Variants in CDH12 observed in about 807,000 individuals in gnomAD.
CDH12 encodes cadherin 12.
CDH12 carries 41 observed loss-of-function variants against 74.1 expected under a neutral mutation model. That is an observed-to-expected ratio of 0.55 (90% CI 0.43 to 0.72). The LOEUF is 0.72. Ranked by LOEUF, CDH12 falls within the 30% of genes least tolerant of loss-of-function variation. The pLI is 0.00. For synonymous variants in CDH12, 399 were observed against 355.0 expected (o/e 1.12, Z -1.39); for missense variants, 945 against 977.2 (o/e 0.97, Z 0.44).
chr5:22,161,855 A>T (rs1044272789), intron 4 of CDH12, among the ~76,000 whole-genome samples: 9 of 152,136 alleles, frequency 5.9e-5, no homozygotes, highest in Non-Finnish European at 1.3e-4. Flanking sequence ...ATATATATTT[A>T]AAAAATAACA....
At chr5:22,732,446 G>A (rs1460314413) in intron 1 of CDH12, among the ~76,000 whole-genome samples, 1 of 137,342 alleles carries the variant, frequency 7.3e-6, no homozygotes, top group African/African-American at 2.8e-5. Context: ...ATACATATGT[G>A]AATGTGTGTG....
intron 4 of CDH12, among the ~76,000 whole-genome samples, chr5:22,087,850 A>C (rs1173616145): frequency 6.6e-6 from 1 of 152,186 alleles, no homozygotes; most frequent in South Asian, 2.1e-4. Flanking sequence ...ATGCTCCTAC[A>C]GGGATAGATT....
intron 3 of CDH12, among the ~76,000 whole-genome samples, chr5:22,231,385 G>T (rs1752378308): frequency 6.6e-6 from 1 of 151,166 alleles, no homozygotes; most frequent in East Asian, 2.0e-4. Context: ...TTATTTTAAT[G>T]ATTATTTCCT....
chr5:22,543,280 A>G (rs764525704), intron 1 of CDH12, among the ~76,000 whole-genome samples: 1 of 152,280 alleles, frequency 6.6e-6, no homozygotes, highest in African/African-American at 2.4e-5. Context: ...TAACAATTGT[A>G]TACCTTTGAC....
At chr5:22,395,488 C>A (rs1742415741) in intron 3 of CDH12, among the ~76,000 whole-genome samples, 1 of 152,016 alleles carries the variant, frequency 6.6e-6, no homozygotes, top group South Asian at 2.1e-4. Flanking sequence ...AAACTCATAC[C>A]CTTTAATACA....
At chr5:22,501,433 T>A (rs1342849894) in intron 2 of CDH12, among the ~76,000 whole-genome samples, 2 of 152,296 alleles carry the variant, frequency 1.3e-5, no homozygotes, top group African/African-American at 2.4e-5. Flanking sequence ...GTAATTGGAA[T>A]AACTCTTTCG....
intron 4 of CDH12, among the ~76,000 whole-genome samples, chr5:22,179,466 T>C (rs4627958): frequency 0.092 from 13,998 of 152,164 alleles, 1,077 homozygotes; most frequent in African/African-American, 0.21. Context: ...TTGCTCATTA[T>C]CGTAAAGTTG....
At chr5:22,525,488 AAGAG>A (rs997601325) in intron 1 of CDH12, among the ~76,000 whole-genome samples, 59 of 149,982 alleles carry the variant, frequency 3.9e-4, no homozygotes, top group African/African-American at 1.4e-3. Context: ...GAGAGAGAGA[AAGAG>A]AGAGAGAGAA....
At chr5:22,466,537 G>A (rs1390102468) in intron 2 of CDH12, among the ~76,000 whole-genome samples, 1 of 152,108 alleles carries the variant, frequency 6.6e-6, no homozygotes, top group Non-Finnish European at 1.5e-5. Context: ...TTGTGCAGGT[G>A]TGTGCACTTT....
chr5:22,129,482 G>A (rs1310402472), intron 4 of CDH12, among the ~76,000 whole-genome samples: 1 of 151,714 alleles, frequency 6.6e-6, no homozygotes, highest in African/African-American at 2.4e-5. Flanking sequence ...GCAAGCTCTG[G>A]GCAAAATGAT....
chr5:21,760,342 A>G (rs1744647194), intron 13 of CDH12, among the ~76,000 whole-genome samples: 1 of 152,104 alleles, frequency 6.6e-6, no homozygotes, highest in Non-Finnish European at 1.5e-5. Flanking sequence ...TCATTGAGAG[A>G]CTGTCCACAT....
chr5:22,140,090 GCAGAGAAATCCCATGTTAGTAT>G lies in CDH12; in HGVS notation c.-186-61250_-186-61229del, dbSNP rs558018015. Among the ~76,000 whole-genome samples the G allele has an allele frequency of 3.4e-4, 52 of 152,184 alleles. No individual in the cohort carries two copies. The South Asian group carries it at 0.011, about 32-fold the overall frequency. ...GCATAGCTAATTTAGATGGCTTGAA[GCAGAGAAATCCCATGTTAGTAT>G]CAGCATAGAAAATCAAGTCTTAAAT... On this transcript the variant is annotated intron_variant, in intron 4 of 14. Coordinates refer to ENST00000382254, the MANE Select transcript of CDH12 (RefSeq NM_004061.5).
chr5:22,095,014 T>G (rs2150242645), intron 4 of CDH12, among the ~76,000 whole-genome samples: 1 of 152,298 alleles, frequency 6.6e-6, no homozygotes, highest in East Asian at 1.9e-4. Context: ...AAAGCTTTAT[T>G]GCTCACACAA....
At chr5:22,761,045 C>G (rs1746201943) in intron 1 of CDH12, among the ~76,000 whole-genome samples, 1 of 152,176 alleles carries the variant, frequency 6.6e-6, no homozygotes, top group African/African-American at 2.4e-5. Flanking sequence ...AAACAGAGCT[C>G]ATACATGATG....
rs141469604 is a variant in CDH12 at position 22,069,600 on chromosome 5, A to G, written c.231+8846T>C. 5.4e-3 allele frequency among the ~76,000 whole-genome samples: 828 copies of G among 152,272 alleles called. 5 individuals carry two copies. Among genetic ancestry groups the G allele is most frequent in the African/African-American group, 0.019 (789 of 41,560 alleles). On this transcript the variant is annotated intron_variant, in intron 5 of 14. Transcript: ENST00000382254. ...GGAGGCATGTTTCCACCAGGACACA[A>G]AACAATAGTTCCATTTAACTGGAAG...
chr5:22,718,706 G>C (rs1241583555), intron 1 of CDH12, among the ~76,000 whole-genome samples: 7 of 152,094 alleles, frequency 4.6e-5, no homozygotes, highest in African/African-American at 1.7e-4. Flanking sequence ...GAATCTCCAG[G>C]AAGGGCTGCA....
intron 1 of CDH12, among the ~76,000 whole-genome samples, chr5:22,576,209 G>T (rs182876358): frequency 6.6e-6 from 1 of 152,270 alleles, no homozygotes; most frequent in Non-Finnish European, 1.5e-5. Context: ...AAGACTTTCT[G>T]GTTGCATGAT....
intron 1 of CDH12, among the ~76,000 whole-genome samples, chr5:22,797,670 C>A (rs1272360781): frequency 6.6e-6 from 1 of 152,098 alleles, no homozygotes; most frequent in Non-Finnish European, 1.5e-5. Flanking sequence ...CTCAGCAATA[C>A]GTATAATCAG....
At chr5:21,802,018 A>G (rs1747138000) in intron 10 of CDH12, 149 bp downstream of exon 10, 3 of 701,474 alleles carry the variant, frequency 4.3e-6, no homozygotes, top group East Asian at 2.7e-5. Context: ...CATTTCCTCT[A>G]TTCTTATGTA....
Sources: gnomAD v4.1 joint callset for allele counts (sites outside exome capture counted in the v4.1 genomes callset) on GRCh38, gnomAD v4.1.1 for gene constraint, MANE v1.5 for transcripts, NCBI Gene and HGNC (gene_info 2026-07-23, HGNC 2026-07-21) for gene names.